The following MEI4 variants were observed in gnomAD, a reference collection of about 807,000 sequenced individuals.
MEI4 encodes meiotic double-stranded break formation protein 4, also known as meiosis-specific protein MEI4.
A neutral mutation model predicts 31.4 loss-of-function variants in MEI4; 27 were observed. The ratio of observed to expected loss-of-function variants is 0.86; its 90% confidence interval spans 0.63 to 1.19. MEI4 has a LOEUF of 1.19. MEI4 is among the 50% of genes most tolerant of loss of function. The pLI is 0.00. For synonymous variants in MEI4, 122 were observed against 145.4 expected (o/e 0.84, Z 1.16); for missense variants, 329 against 398.9 (o/e 0.82, Z 1.49).
intron 4 of MEI4, among the ~76,000 whole-genome samples, chr6:77,871,611 G>GT (rs1771194767): frequency 1.3e-5 from 2 of 152,044 alleles, no homozygotes; most frequent in African/African-American, 2.4e-5. Flanking sequence ...CAGTACATGG[G>GT]TGACAGGATC....
chr6:77,813,899 G>A (rs749207515), intron 3 of MEI4, among the ~76,000 whole-genome samples: 1 of 151,918 alleles, frequency 6.6e-6, no homozygotes, highest in Non-Finnish European at 1.5e-5. Flanking sequence ...CATTTTTAAT[G>A]TACATCAATG....
chr6:77,660,577 G>T (rs548817164), intron 1 of MEI4, among the ~76,000 whole-genome samples: 3 of 152,046 alleles, frequency 2.0e-5, no homozygotes, highest in South Asian at 2.1e-4. Flanking sequence ...GGCCTAAGTG[G>T]TGGGGGTGAC....
intron 4 of MEI4, among the ~76,000 whole-genome samples, chr6:77,919,517 A>G (rs1385454063): frequency 6.6e-6 from 1 of 152,092 alleles, no homozygotes; most frequent in Non-Finnish European, 1.5e-5. Context: ...AGGGAAATTT[A>G]TAGCACTAAA....
At chr6:77,726,316 T>TG (rs1766819196) in intron 2 of MEI4, among the ~76,000 whole-genome samples, 1 of 151,922 alleles carries the variant, frequency 6.6e-6, no homozygotes, top group African/African-American at 2.4e-5. Flanking sequence ...TATGTCTACT[T>TG]CTTTCTACAC....
chr6:77,660,408 G>A (rs1270823872), intron 1 of MEI4, among the ~76,000 whole-genome samples: 1 of 152,124 alleles, frequency 6.6e-6, no homozygotes, highest in Non-Finnish European at 1.5e-5. Context: ...TGGCAGTTTG[G>A]GGATAGCACC....
At chr6:77,686,592 T>C (rs1335855103) in intron 1 of MEI4, among the ~76,000 whole-genome samples, 2 of 152,182 alleles carry the variant, frequency 1.3e-5, no homozygotes, top group African/African-American at 4.8e-5. Flanking sequence ...ACATTTTTAG[T>C]TGAGTTATAT....
chr6:77,886,261 C>T (rs2127730433), intron 4 of MEI4, among the ~76,000 whole-genome samples: 1 of 152,270 alleles, frequency 6.6e-6, no homozygotes, highest in East Asian at 1.9e-4. Context: ...ATAAGTTTGA[C>T]AGAATTCATC....
At chr6:77,789,513 A>T (rs1356084075) in intron 3 of MEI4, among the ~76,000 whole-genome samples, 1 of 152,210 alleles carries the variant, frequency 6.6e-6, no homozygotes, top group Non-Finnish European at 1.5e-5. Flanking sequence ...TCATCTGACA[A>T]AGGGCTAATA....
At chr6:77,799,853 T>C (rs144627115) in intron 3 of MEI4, among the ~76,000 whole-genome samples, 1,576 of 152,248 alleles carry the variant, frequency 0.01, 33 homozygotes, top group African/African-American at 0.036. Context: ...CATTCGTCTA[T>C]ATCTCTGCTT....
At chr6:77,652,853 T>C (rs1309901073), upstream of MEI4, among the ~76,000 whole-genome samples, 2 of 152,256 alleles carry the variant, frequency 1.3e-5, no homozygotes, top group East Asian at 3.9e-4. Context: ...ACTGACTACA[T>C]ACGGGTTATC....
intron 4 of MEI4, among the ~76,000 whole-genome samples, chr6:77,866,066 G>A (rs543325174): frequency 1.3e-5 from 2 of 151,990 alleles, no homozygotes; most frequent in African/African-American, 4.8e-5. Context: ...AATAGGTACT[G>A]ATGGGACGTA....
At chr6:77,873,956 T>G (rs1771264958) in intron 4 of MEI4, among the ~76,000 whole-genome samples, 1 of 152,254 alleles carries the variant, frequency 6.6e-6, no homozygotes, top group Non-Finnish European at 1.5e-5. Context: ...TCTGTTCCAT[T>G]GATCTATATC....
intron 2 of MEI4, among the ~76,000 whole-genome samples, chr6:77,733,382 C>G (rs1767073931): frequency 6.6e-6 from 1 of 152,000 alleles, no homozygotes; most frequent in Non-Finnish European, 1.5e-5. Context: ...AGGAATTTAT[C>G]CATTTCTTCT....
At chr6:77,812,870 G>A (rs190168105) in intron 3 of MEI4, among the ~76,000 whole-genome samples, 27 of 152,188 alleles carry the variant, frequency 1.8e-4, no homozygotes, top group Non-Finnish European at 1.6e-4. Context: ...TTTGACAGAG[G>A]TGTAGAAGTA....
Position 77,926,978 on chromosome 6 carries a change from G to A in MEI4, c.*3632G>A, listed in dbSNP as rs1043722871. Reference sequence around the variant, plus strand: ...GTTAATAAATATACTGGTCTTGTAAGAACTTTCTAAATATTACAGAGTATT... The same window carrying A: ...GTTAATAAATATACTGGTCTTGTAAAAACTTTCTAAATATTACAGAGTATT... On this transcript the variant is annotated 3_prime_UTR_variant, in exon 5 of 5. Coordinates refer to ENST00000684080, the MANE Select transcript of MEI4 (RefSeq NM_001322247.2). 1.3e-5 allele frequency: 2 copies of A among 151,768 alleles called. No individual in the cohort carries two copies. Among genetic ancestry groups the A allele is most frequent in the African/African-American group, 4.8e-5 (2 of 41,392 alleles). 9.4% of individuals were successfully genotyped at this position (151,768 alleles called of 1,614,324 possible).
At position 77,871,268 on chromosome 6, in the gene MEI4, C is replaced by G. The variant is rs181128790; in HGVS notation, c.900+42206C>G. Among the ~76,000 whole-genome samples the G allele has an allele frequency of 1.9e-3, 284 of 152,176 alleles. 1 individual carries two copies. Among genetic ancestry groups the G allele is most frequent in the South Asian group, 5.0e-3 (24 of 4,822 alleles). ...CAGGGGTAGGCTTGGAATCTTGACC[C>G]CTCGTGTTCTTTCTTCCTATTAAAA... On this transcript the variant is annotated intron_variant, in intron 4 of 4. Transcript: ENST00000684080.
intron 3 of MEI4, 78 bp downstream of exon 3, chr6:77,761,743 G>A (rs894383984): frequency 9.7e-7 from 1 of 1,025,872 alleles, no homozygotes; most frequent in African/African-American, 1.7e-5. Context: ...GTCTGTTGTT[G>A]TCCCTTAGCC....
chr6:77,779,936 T>G (rs1768550915), intron 3 of MEI4, among the ~76,000 whole-genome samples: 1 of 152,192 alleles, frequency 6.6e-6, no homozygotes, highest in South Asian at 2.1e-4. Flanking sequence ...AAAGCCAGAA[T>G]TTTAGTCAGT....
intron 3 of MEI4, among the ~76,000 whole-genome samples, chr6:77,801,391 A>G (rs148510377): frequency 0.014 from 2,188 of 151,928 alleles, 54 homozygotes; most frequent in African/African-American, 0.05. Context: ...CTTCTTTTTT[A>G]GTCTTGCTAG....
Sources: gnomAD v4.1 joint callset for allele counts (sites outside exome capture counted in the v4.1 genomes callset) on GRCh38, gnomAD v4.1.1 for gene constraint, MANE v1.5 for transcripts, NCBI Gene and HGNC (gene_info 2026-07-23, HGNC 2026-07-21) for gene names.